Variants in BBS1 observed in about 807,000 individuals in gnomAD.
BBS1 encodes BBSome complex member BBS1.
Under a neutral mutation model 73.9 loss-of-function variants are expected in BBS1, and 60 were observed. The observed-to-expected ratio is 0.81, with a 90% CI of 0.66 to 1.01. The LOEUF (loss-of-function observed/expected upper bound fraction) is 1.01. Ranked by LOEUF, BBS1 falls within the 50% of genes least tolerant of loss-of-function variation. The pLI, the probability that BBS1 is intolerant of heterozygous loss-of-function variation, is 0.00. For synonymous variants in BBS1, 283 were observed against 317.4 expected (o/e 0.89, Z 1.15); for missense variants, 718 against 770.3 (o/e 0.93, Z 0.80).
chr11:66,531,170 G>A, intron 15 of BBS1, 142 bp downstream of exon 15: 1 of 1,230,428 alleles, frequency 8.1e-7, no homozygotes, highest in Non-Finnish European at 1.2e-6. Flanking sequence ...TCCCACCACA[G>A]ACCAGGCCAA....
intron 7 of BBS1, among the ~76,000 whole-genome samples, chr11:66,518,190 C>T (rs1565283125): frequency 6.8e-6 from 1 of 147,762 alleles, no homozygotes; most frequent in Non-Finnish European, 1.5e-5. Flanking sequence ...CTCCCAACCT[C>T]ACGTGATCCA....
intron 11 of BBS1, chr11:66,524,270 A>C: frequency 1.9e-5 from 6 of 317,828 alleles, no homozygotes; most frequent in East Asian, 8.3e-5. Flanking sequence ...ACAGAGCGAG[A>C]CTCCATCTTA....
At position 66,533,475 on chromosome 11, in the gene BBS1, G is replaced by A. The variant is rs1856862555; in HGVS notation, c.*1438G>A. ...ATACATGAGGCTTTAGCTCTCTTTTGTCAGCAACCCTCCCCCATCCCTAGT... is the reference window on the plus strand; with the variant it reads ...ATACATGAGGCTTTAGCTCTCTTTTATCAGCAACCCTCCCCCATCCCTAGT... On this transcript the variant is annotated 3_prime_UTR_variant, in exon 17 of 17. Transcript: ENST00000318312. 2 of 152,110 alleles carry A rather than the reference G, an allele frequency of 1.3e-5. No homozygotes were observed. Among genetic ancestry groups the A allele is most frequent in the Non-Finnish European group, 2.9e-5 (2 of 68,022 alleles). 9.4% of individuals were successfully genotyped at this position (152,110 alleles called of 1,614,324 possible).
intron 1 of BBS1, 99 bp from the exon 2 acceptor site, chr11:66,510,914 C>T: frequency 1.4e-6 from 2 of 1,450,922 alleles, no homozygotes. Context: ...CCCAGACGTT[C>T]TGTACCTTAT....
At chr11:66,517,034 C>T (rs533661361) in intron 7 of BBS1, among the ~76,000 whole-genome samples, 59 of 152,072 alleles carry the variant, frequency 3.9e-4, no homozygotes, top group African/African-American at 1.2e-3. Context: ...CCTGTCTCTA[C>T]TAAAAATACA....
Position 66,532,283 on chromosome 11 carries a change from C to A in BBS1, c.*246C>A. ...GGTCCCACTGAAGTCCTACTACGCC[C>A]TCCCCTCCCCAGCCTTTTCCAGAAA... On this transcript the variant is annotated 3_prime_UTR_variant, in exon 17 of 17. Coordinates refer to ENST00000318312, the MANE Select transcript of BBS1 (RefSeq NM_024649.5). 1.8e-6 allele frequency: 1 copy of A among 560,564 alleles called. No homozygotes were observed. The highest frequency in any genetic ancestry group is 3.2e-6 in the Non-Finnish European group (1 of 311,702). 34.7% of individuals were successfully genotyped at this position (560,564 alleles called of 1,614,324 possible). A position where few individuals can be genotyped will look rare whatever the true frequency, so the allele number is the denominator to read the frequency against.
chr11:66,526,914 G>A lies in BBS1; in HGVS notation c.1339+107G>A, dbSNP rs760183317. ...CCCTGTGCACTGGGAGGAGATCTCGGCCAACTAGGTAGGTCACTCACCTCT... is the reference window on the plus strand; with the variant it reads ...CCCTGTGCACTGGGAGGAGATCTCGACCAACTAGGTAGGTCACTCACCTCT... On this transcript the variant is annotated intron_variant, in intron 13 of 16. Transcript: ENST00000318312. The A allele has an allele frequency of 5.0e-6, 8 of 1,607,206 alleles. No individual in the cohort carries two copies. In the South Asian group the frequency reaches 7.7e-5, roughly 15 times the overall value.
At chr11:66,522,902 AG>A in intron 9 of BBS1, 3 of 347,106 alleles carry the variant, frequency 8.6e-6, no homozygotes, top group Non-Finnish European at 1.7e-5. Flanking sequence ...ATGGCTTGAA[AG>A]TTAAAAAGGA....
In BBS1 at chr11:66,519,702, A is replaced by G. The variant is rs1856141438; in HGVS notation, c.677A>G (p.Lys226Arg). The G allele has an allele frequency of 1.2e-6, 2 of 1,613,616 alleles. No homozygotes were observed. The highest frequency in any genetic ancestry group is 2.7e-5 in the African/African-American group (2 of 74,986). The change falls in exon 8 of 17, where the codon AAG (lysine) becomes AGG (arginine). Residue 226 changes from lysine to arginine, a missense_variant. Transcript: ENST00000318312. ...TGCCTGGTGCTGGGCACCGAGAACA[A>G]GGAGCTCCTGGTGCTTGACCCCGAG... ...VSCLVLGTEN[K>R]ELLVLDPEAF... is the part of the protein sequence containing the mutation.
intron 7 of BBS1, 110 bp downstream of exon 7, chr11:66,516,043 G>A (rs1856041943): frequency 9.8e-7 from 1 of 1,022,928 alleles, no homozygotes; most frequent in Non-Finnish European, 1.5e-6. Context: ...GTATCTCTTT[G>A]CTATATCCCT....
chr11:66,527,113 A>C, intron 13 of BBS1: 2 of 1,209,270 alleles, frequency 1.7e-6, no homozygotes, highest in South Asian at 1.3e-5. Flanking sequence ...ATGGTGGCTC[A>C]CGCCTGTAAT....
In BBS1 at chr11:66,529,697, T is replaced by G. The variant is rs550840248; in HGVS notation, c.1340-122T>G. On this transcript the variant is annotated intron_variant, in intron 13 of 16. Transcript: ENST00000318312. ...TCCCTCCTCCCCAGCTCCTGCAGAC[T>G]CCTCCTGCAGCACCCTCCTCTTGCA... 86 of 1,262,680 alleles carry G rather than the reference T, an allele frequency of 6.8e-5. No individual in the cohort carries two copies. In the African/African-American group the frequency reaches 8.2e-4, roughly 12 times the overall value. 78.2% of individuals were successfully genotyped at this position (1,262,680 alleles called of 1,614,324 possible).
intron 8 of BBS1, chr11:66,520,223 A>G (rs1329688606): frequency 1.7e-5 from 3 of 178,276 alleles, no homozygotes; most frequent in Non-Finnish European, 3.6e-5. Flanking sequence ...CTTTTCATGT[A>G]GCAGTATATC....
chr11:66,515,698 C>T lies in BBS1; in HGVS notation c.485C>T (p.Thr162Met), dbSNP rs148576114. 46 of 1,614,050 alleles carry T rather than the reference C, an allele frequency of 2.8e-5. No individual in the cohort carries two copies. The highest frequency in any genetic ancestry group is 6.7e-5 in the African/African-American group (5 of 74,892). ...LKEMLESIRETAEEPLSIQSL... is the reference protein window; with the variant it reads ...LKEMLESIREMAEEPLSIQSL... Reference sequence around the variant, plus strand: ...GCTGGCCCCTTTCCTTGCAGGGAGACGGCAGAGGAGCCTTTGTCCATCCAG... The same window carrying T: ...GCTGGCCCCTTTCCTTGCAGGGAGATGGCAGAGGAGCCTTTGTCCATCCAG... Residue 162 changes from threonine to methionine, a missense_variant, in exon 6 of 17, where the codon ACG becomes ATG. By Grantham distance (81) the Thr-to-Met change is moderately conservative (BLOSUM62 -1). Coordinates refer to ENST00000318312, the MANE Select transcript of BBS1 (RefSeq NM_024649.5).
intron 11 of BBS1, chr11:66,524,277 C>T (rs1263955455): frequency 6.8e-6 from 2 of 292,504 alleles, no homozygotes; most frequent in South Asian, 3.0e-5. Context: ...GAGACTCCAT[C>T]TTAAAAAAAA....
intron 10 of BBS1, 52 bp downstream of exon 10, chr11:66,523,628 A>G: frequency 6.2e-7 from 1 of 1,612,884 alleles, no homozygotes; most frequent in Non-Finnish European, 8.5e-7. Context: ...CCTAGCCCCC[A>G]CTTGGCAAGA....
In BBS1 at chr11:66,514,601, A is replaced by G; in HGVS notation, c.355A>G (p.Arg119Gly). The change falls in exon 4 of 17, where the codon AGA becomes GGA. Residue 119 changes from arginine to glycine, a missense_variant. Transcript: ENST00000318312. ...TTGTGTCTATGTGTATAAGAATCTCAGACCCTACTTCAAGTTCAGCCTGCC... is the reference window on the plus strand; with the variant it reads ...TTGTGTCTATGTGTATAAGAATCTCGGACCCTACTTCAAGTTCAGCCTGCC... Reference protein sequence around the residue: ...GPCVYVYKNLRPYFKFSLPQL... With the variant: ...GPCVYVYKNLGPYFKFSLPQL... 1 of 1,613,914 alleles carries G rather than the reference A, an allele frequency of 6.2e-7. No individual in the cohort carries two copies. The highest frequency in any genetic ancestry group is 2.2e-5 in the East Asian group (1 of 44,880).
intron 3 of BBS1, among the ~76,000 whole-genome samples, chr11:66,512,054 G>GTA (rs929759406): frequency 2.8e-5 from 4 of 145,414 alleles, no homozygotes; most frequent in Non-Finnish European, 4.5e-5. Flanking sequence ...ATATATATGT[G>GTA]TATATATATG....
Position 66,510,695 on chromosome 11 carries a change from C to G in BBS1, c.36C>G (p.Cys12Trp). The G allele has an allele frequency of 6.2e-7, 1 of 1,614,208 alleles. No homozygotes were observed. The highest frequency in any genetic ancestry group is 8.5e-7 in the Non-Finnish European group (1 of 1,180,028). ...AAASSSDSDA[C>W]GAESNEANSK... The stretch of plus-strand genomic sequence containing the variant: ...CGTCCTCATCGGATTCCGACGCCTG[C>G]GGAGCTGAGAGGTGAAGGCAGGGCT... The change falls in exon 1 of 17, where the codon TGC becomes TGG. Residue 12 changes from cysteine to tryptophan, a missense_variant. Cys to Trp is a radical substitution (Grantham distance 215). Transcript: ENST00000318312.
Sources: allele counts gnomAD v4.1 joint callset (sites outside exome capture counted in the v4.1 genomes callset), GRCh38; gene constraint gnomAD v4.1.1; transcripts MANE v1.5; gene names NCBI Gene and HGNC (gene_info 2026-07-23, HGNC 2026-07-21).